AIDA: variants seen among roughly 807,000 people sequenced by gnomAD.
AIDA encodes axin interactor, dorsalization-associated protein.
In AIDA, 18 loss-of-function variants were observed where a neutral mutation model predicts 42.7. That is an observed-to-expected ratio of 0.42 (90% CI 0.29 to 0.63). The LOEUF (loss-of-function observed/expected upper bound fraction) is 0.63, where lower values mean the gene tolerates loss of function less well. AIDA is among the 20% of genes least tolerant of loss of function. AIDA has a pLI of 0.19. For synonymous variants in AIDA, 104 were observed against 122.9 expected, an observed-to-expected ratio of 0.85 and a Z score of 1.02; for missense variants, 250 against 354.1, an observed-to-expected ratio of 0.71 and a Z score of 2.36.
intron 6 of AIDA, among the ~76,000 whole-genome samples, chr1:222,678,265 T>G (rs1664590394): frequency 6.6e-6 from 1 of 151,664 alleles, no homozygotes; most frequent in Non-Finnish European, 1.5e-5. Flanking sequence ...TTGCCCAATT[T>G]TCTAATGTGT....
At chr1:222,700,977 G>GA (rs201670646) in intron 2 of AIDA, among the ~76,000 whole-genome samples, 8 of 146,212 alleles carry the variant, frequency 5.5e-5, no homozygotes, top group African/African-American at 1.5e-4. Context: ...TTTTTGGGGG[G>GA]GGGGGGACAG....
intron 6 of AIDA, among the ~76,000 whole-genome samples, chr1:222,684,722 T>C (rs938874017): frequency 3.9e-5 from 6 of 152,236 alleles, no homozygotes; most frequent in African/African-American, 1.2e-4. Flanking sequence ...CACAATGCTA[T>C]ATCAGAATAC....
Position 222,669,656 on chromosome 1 carries a change from A to G in AIDA, c.*237T>C, listed in dbSNP as rs965033104. 2 of 444,870 alleles carry G rather than the reference A, an allele frequency of 4.5e-6. No individual in the cohort carries two copies. The highest frequency in any genetic ancestry group is 2.0e-5 in the African/African-American group (1 of 49,488). 27.6% of individuals were successfully genotyped at this position (444,870 alleles called of 1,614,324 possible). A position where few individuals can be genotyped will look rare whatever the true frequency, so the allele number is the denominator to read the frequency against. On this transcript the variant is annotated 3_prime_UTR_variant, in exon 10 of 10. Coordinates refer to ENST00000340020, the MANE Select transcript of AIDA (RefSeq NM_022831.4). ...ACTATTAATTGCACAATTAATAGAA[A>G]AGTAAAAACATGTTTCAAAATCTAC...
intron 4 of AIDA, among the ~76,000 whole-genome samples, chr1:222,693,230 CATTT>C (rs1021183544): frequency 1.4e-4 from 22 of 152,130 alleles, no homozygotes; most frequent in Admixed American, 1.4e-3. Context: ...GATTTATATT[CATTT>C]AGTTTTATAT....
At chr1:222,691,581 A>G (rs1655374206) in intron 4 of AIDA, among the ~76,000 whole-genome samples, 1 of 151,512 alleles carries the variant, frequency 6.6e-6, no homozygotes, top group African/African-American at 2.5e-5. Flanking sequence ...AAAAAGCACT[A>G]TTTTTAAAAA....
At chr1:222,684,471 T>C (rs1340000703) in intron 6 of AIDA, among the ~76,000 whole-genome samples, 1 of 152,178 alleles carries the variant, frequency 6.6e-6, no homozygotes. Flanking sequence ...TGGGTTCCCT[T>C]TGGGTAACAA....
chr1:222,675,554 C>T (rs1185352708), intron 7 of AIDA, among the ~76,000 whole-genome samples: 1 of 152,210 alleles, frequency 6.6e-6, no homozygotes, highest in African/African-American at 2.4e-5. Context: ...CATAGGATTA[C>T]ATTCAGAGCA....
chr1:222,697,534 T>G (rs531061227), intron 2 of AIDA, among the ~76,000 whole-genome samples: 54 of 151,672 alleles, frequency 3.6e-4, no homozygotes, highest in African/African-American at 1.3e-3. Flanking sequence ...AGACTTGAAT[T>G]ATTAGCACTC....
chr1:222,681,514 A>G (rs1664651933), intron 6 of AIDA, among the ~76,000 whole-genome samples: 1 of 152,056 alleles, frequency 6.6e-6, no homozygotes, highest in South Asian at 2.1e-4. Context: ...AAATACAAAA[A>G]TGAGCCGGTG....
At chr1:222,689,602 T>TAC (rs1309409611) in intron 4 of AIDA, among the ~76,000 whole-genome samples, 11 of 141,450 alleles carry the variant, frequency 7.8e-5, no homozygotes, top group East Asian at 4.1e-4. Flanking sequence ...CACATATATA[T>TAC]ACACACACAC....
intron 2 of AIDA, among the ~76,000 whole-genome samples, chr1:222,701,445 T>C (rs1030619891): frequency 6.6e-6 from 1 of 152,260 alleles, no homozygotes; most frequent in African/African-American, 2.4e-5. Flanking sequence ...TGTTTCCATA[T>C]TCATAACACA....
At chr1:222,675,058 T>C (rs1179932695) in intron 7 of AIDA, among the ~76,000 whole-genome samples, 1 of 152,180 alleles carries the variant, frequency 6.6e-6, no homozygotes, top group Non-Finnish European at 1.5e-5. Flanking sequence ...TTCACAGCAT[T>C]AATGCTGTGG....
At chr1:222,705,356 T>A (rs900077171) in intron 1 of AIDA, among the ~76,000 whole-genome samples, 6 of 152,286 alleles carry the variant, frequency 3.9e-5, no homozygotes, top group South Asian at 4.1e-4. Context: ...CTACATGGAG[T>A]ACTCCCGAGT....
intron 1 of AIDA, among the ~76,000 whole-genome samples, chr1:222,706,493 T>TA (rs957857651): frequency 1.5e-4 from 22 of 143,742 alleles, no homozygotes; most frequent in East Asian, 6.0e-4. Context: ...CACACCAATT[T>TA]AAAAAAAAAA....
chr1:222,689,481 G>GTGTGTA (rs1253190601), intron 4 of AIDA, among the ~76,000 whole-genome samples: 4 of 35,328 alleles, frequency 1.1e-4, no homozygotes, highest in Non-Finnish European at 1.2e-4. Context: ...GTGTGTGTGT[G>GTGTGTA]TATATATATA....
In AIDA at chr1:222,694,236, A is replaced by AGC; in HGVS notation, c.206_207dup (p.Leu70AlafsTer23). 6.2e-7 allele frequency: 1 copy of AGC among 1,612,184 alleles called. No individual in the cohort carries two copies. The highest frequency in any genetic ancestry group is 1.1e-5 in the South Asian group (1 of 90,490). On this transcript the variant is annotated frameshift_variant, in exon 3 of 10. Coordinates refer to ENST00000340020, the MANE Select transcript of AIDA (RefSeq NM_022831.4). LOFTEE classifies it high-confidence loss of function. Reference sequence around the variant, plus strand: ...TGTAAAGCTGCACTTCGCAATTCCAAGCATGTTGCAATTTTGCCTATGGTT... The same window carrying AGC: ...TGTAAAGCTGCACTTCGCAATTCCAAGCGCATGTTGCAATTTTGCCTATGGTT...
In AIDA at chr1:222,679,983, C is replaced by G. The variant is rs73124859; in HGVS notation, c.461-3765G>C. Among the ~76,000 whole-genome samples the G allele has an allele frequency of 5.1e-3, 774 of 152,304 alleles. 5 individuals are homozygous for G. The highest frequency in any genetic ancestry group is 0.018 in the African/African-American group (732 of 41,562). On this transcript the variant is annotated intron_variant, in intron 6 of 9. Transcript: ENST00000340020. The stretch of plus-strand genomic sequence containing the variant: ...TCTCAACCTGGGTTCTGTGGAATCC[C>G]AGGGTGTCCCTGAACTCGCTAGGAG...
intron 4 of AIDA, among the ~76,000 whole-genome samples, chr1:222,689,481 GTATATATATATATATATATATATATA>G (rs1183093082): frequency 2.5e-4 from 9 of 35,364 alleles, no homozygotes; most frequent in South Asian, 3.4e-3. Context: ...GTGTGTGTGT[GTATATATATATATATATATATATATA>G]TATATATATA....
rs1553294405 is a variant in AIDA at position 222,689,520 on chromosome 1, T to TACAC, written c.290-1866_290-1863dup. 8.8e-3 allele frequency among the ~76,000 whole-genome samples: 513 copies of TACAC among 57,978 alleles called. 9 individuals are homozygous for TACAC. Among genetic ancestry groups the TACAC allele is most frequent in the South Asian group, 0.023 (39 of 1,674 alleles). The allele number at this position is 57,978 out of a possible 152,430, so 38.0% of individuals were successfully genotyped here. A position where few individuals can be genotyped will look rare whatever the true frequency, so the allele number is the denominator to read the frequency against. ...ATATATATATATATATATATATATA[T>TACAC]ACACACATACACACACACACATATA... On this transcript the variant is annotated intron_variant, in intron 4 of 9. Transcript: ENST00000340020.
Sources: allele counts gnomAD v4.1 joint callset (sites outside exome capture counted in the v4.1 genomes callset), GRCh38; gene constraint gnomAD v4.1.1; transcripts MANE v1.5; gene names NCBI Gene and HGNC (gene_info 2026-07-23, HGNC 2026-07-21).